Variants in GLRX3 observed in about 807,000 individuals in gnomAD.
The protein encoded by GLRX3 is glutaredoxin-3.
Under a neutral mutation model 49.5 loss-of-function variants are expected in GLRX3, and 22 were observed. The ratio of observed to expected loss-of-function variants is 0.44; its 90% confidence interval spans 0.32 to 0.63. The LOEUF is 0.63. GLRX3 is among the 30% of genes least tolerant of loss of function. GLRX3 has a pLI of 0.05. For missense variants in GLRX3, 385 were observed against 396.3 expected (o/e 0.97, Z 0.24); for synonymous variants, 133 against 140.0 (o/e 0.95, Z 0.35).
intron 2 of GLRX3, among the ~76,000 whole-genome samples, chr10:130,147,997 G>A (rs1862299852): frequency 6.6e-6 from 1 of 152,144 alleles, no homozygotes; most frequent in African/African-American, 2.4e-5. Flanking sequence ...CACACCACTG[G>A]ACGTAGAGTG....
chr10:130,161,101 C>G (rs1387531615), intron 4 of GLRX3, 104 bp downstream of exon 4: 3 of 736,270 alleles, frequency 4.1e-6, no homozygotes, highest in Non-Finnish European at 7.1e-6. Context: ...TACCATACAT[C>G]TTATACTTGT....
chr10:130,161,816 A>T (rs1564995060), intron 4 of GLRX3, among the ~76,000 whole-genome samples: 1 of 152,216 alleles, frequency 6.6e-6, no homozygotes, highest in African/African-American at 2.4e-5. Flanking sequence ...AGGGGCAGTA[A>T]CATTGAGTAT....
intron 10 of GLRX3, among the ~76,000 whole-genome samples, chr10:130,178,750 TGG>T (rs773119926): frequency 6.6e-5 from 10 of 152,244 alleles, no homozygotes; most frequent in Non-Finnish European, 7.3e-5. Context: ...TAGCCCAGGC[TGG>T]AGTGCAATGG....
At chr10:130,171,348 T>C (rs1366438750) in intron 7 of GLRX3, among the ~76,000 whole-genome samples, 2 of 152,046 alleles carry the variant, frequency 1.3e-5, no homozygotes, top group African/African-American at 2.4e-5. Flanking sequence ...GGAACACATG[T>C]CATCTCAAGT....
chr10:130,171,758 G>A, intron 8 of GLRX3, 122 bp downstream of exon 8: 1 of 696,370 alleles, frequency 1.4e-6, no homozygotes, highest in South Asian at 1.6e-5. Context: ...TTGAGCCCAG[G>A]TGTTCGAGAC....
In GLRX3 at chr10:130,136,465, G is replaced by C; in HGVS notation, c.45G>C (p.Glu15Asp). ...AAEAAVAAVE[E>D]VGSAGQFEEL... The stretch of plus-strand genomic sequence containing the variant: ...AGGCAGCTGTAGCGGCCGTGGAGGA[G>C]GTCGGCTCAGCCGGGCAGTTTGAGG... The change falls in exon 1 of 11, where the codon GAG becomes GAC. Residue 15 changes from glutamate to aspartate, a missense_variant. Glu to Asp is a conservative substitution (Grantham distance 45). This residue lies in a region of GLRX3 where 374 missense variants were observed against 358.6 expected (regional missense o/e 1.04). Coordinates refer to ENST00000331244, the MANE Select transcript of GLRX3 (RefSeq NM_006541.5). The C allele has an allele frequency of 7.9e-7, 1 of 1,265,274 alleles. No individual in the cohort carries two copies. Among genetic ancestry groups the C allele is most frequent in the East Asian group, 3.1e-5 (1 of 32,034 alleles). The allele number at this position is 1,265,274 out of a possible 1,614,324, so 78.4% of individuals were successfully genotyped here. A position where few individuals can be genotyped will look rare whatever the true frequency, so the allele number is the denominator to read the frequency against.
intron 2 of GLRX3, among the ~76,000 whole-genome samples, chr10:130,152,105 G>A (rs548517738): frequency 3.3e-5 from 5 of 151,816 alleles, no homozygotes; most frequent in African/African-American, 7.3e-5. Context: ...TGCAACTTCC[G>A]CCTTCCAGGT....
chr10:130,165,313 GA>G (rs56101054), intron 4 of GLRX3, among the ~76,000 whole-genome samples: 3,295 of 152,056 alleles, frequency 0.022, 58 homozygotes, highest in Non-Finnish European at 0.033. Flanking sequence ...CTTATGGAAA[GA>G]AAAATACTTT....
Position 130,136,446 on chromosome 10 carries a change from C to G in GLRX3, c.26C>G (p.Ala9Gly), listed in dbSNP as rs539387919. 4 of 1,261,392 alleles carry G rather than the reference C, an allele frequency of 3.2e-6. No homozygotes were observed. The highest frequency in any genetic ancestry group is 7.2e-5 in the South Asian group (2 of 27,706). 78.1% of individuals were successfully genotyped at this position (1,261,392 alleles called of 1,614,324 possible). Residue 9 changes from alanine (A) to glycine (G), a missense_variant, in exon 1 of 11, where the codon GCT (alanine) becomes GGT (glycine). Around this residue, in one of 2 missense-constraint regions of GLRX3, gnomAD observed 374 missense variants for 358.6 expected, o/e 1.04. Coordinates refer to ENST00000331244, the MANE Select transcript of GLRX3 (RefSeq NM_006541.5). ...ATGGCGGCGGGGGCGGCTGAGGCAG[C>G]TGTAGCGGCCGTGGAGGAGGTCGGC... Reference protein sequence around the residue: MAAGAAEAAVAAVEEVGSA... With the variant: MAAGAAEAGVAAVEEVGSA...
intron 7 of GLRX3, among the ~76,000 whole-genome samples, chr10:130,170,270 T>C (rs1461038763): frequency 6.6e-6 from 1 of 152,202 alleles, no homozygotes; most frequent in East Asian, 1.9e-4. Flanking sequence ...AAGGTGAGGC[T>C]GTTGGAATAA....
In GLRX3 at chr10:130,160,777, A is replaced by G. The variant is rs1380726525; in HGVS notation, c.277-19A>G. ...TTATGGAATGCTGCATGTATTCTAA[A>G]TAACTTTTTAAACTTTAGAATTCTC... On this transcript the variant is annotated intron_variant, in intron 3 of 10. Transcript: ENST00000331244. The G allele has an allele frequency of 2.0e-5, 28 of 1,397,876 alleles. No homozygotes were observed. Among genetic ancestry groups the G allele is most frequent in the Non-Finnish European group, 2.4e-5 (24 of 983,128 alleles). 86.6% of individuals were successfully genotyped at this position (1,397,876 alleles called of 1,614,324 possible). A position where few individuals can be genotyped will look rare whatever the true frequency, so the allele number is the denominator to read the frequency against.
At chr10:130,149,421 G>A (rs1167176047) in intron 2 of GLRX3, among the ~76,000 whole-genome samples, 1 of 149,210 alleles carries the variant, frequency 6.7e-6, no homozygotes, top group Non-Finnish European at 1.5e-5. Context: ...CGGCCTGCGT[G>A]ACAGAGCAAG....
intron 1 of GLRX3, among the ~76,000 whole-genome samples, chr10:130,144,993 G>C (rs2134875588): frequency 6.6e-6 from 1 of 152,320 alleles, no homozygotes; most frequent in East Asian, 1.9e-4. Flanking sequence ...GGCTTCACTT[G>C]AAATATCATT....
intron 6 of GLRX3, among the ~76,000 whole-genome samples, chr10:130,168,593 C>T (rs1006370976): frequency 1.3e-5 from 2 of 152,314 alleles, no homozygotes; most frequent in East Asian, 1.9e-4. Context: ...CACAGGCGTC[C>T]GCCACCACGT....
intron 3 of GLRX3, 40 bp from the exon 4 acceptor site, chr10:130,160,756 G>A (rs1482716418): frequency 9.4e-7 from 1 of 1,068,538 alleles, no homozygotes. Context: ...TCATTATTAT[G>A]GAATGCTGCA....
chr10:130,147,674 A>G (rs1031831045), intron 2 of GLRX3, among the ~76,000 whole-genome samples: 2 of 152,238 alleles, frequency 1.3e-5, no homozygotes, highest in Non-Finnish European at 2.9e-5. Context: ...TAAGGCAGCT[A>G]ATTAAAAGGC....
At chr10:130,175,857 C>T in intron 10 of GLRX3, among the ~76,000 whole-genome samples, 1 of 152,228 alleles carries the variant, frequency 6.6e-6, no homozygotes, top group Non-Finnish European at 1.5e-5. Context: ...CCCAGGCCCA[C>T]TGTGGGCATG....
At chr10:130,148,265 T>TGG (rs1466430027) in intron 2 of GLRX3, among the ~76,000 whole-genome samples, 1 of 151,886 alleles carries the variant, frequency 6.6e-6, no homozygotes, top group Non-Finnish European at 1.5e-5. Flanking sequence ...CCCGAATAGC[T>TGG]GGGACTATAG....
chr10:130,151,308 G>C (rs1161126817), intron 2 of GLRX3, among the ~76,000 whole-genome samples: 1 of 152,038 alleles, frequency 6.6e-6, no homozygotes, highest in Non-Finnish European at 1.5e-5. Flanking sequence ...AAATTAACAT[G>C]GTTTTATTAG....
Sources: gnomAD v4.1 joint callset for allele counts (sites outside exome capture counted in the v4.1 genomes callset) on GRCh38, gnomAD v4.1.1 for gene constraint, gnomAD v4.1.1 regional missense constraint, MANE v1.5 for transcripts, NCBI Gene and HGNC (gene_info 2026-07-23, HGNC 2026-07-21) for gene names.